The following UNC79 variants were observed in gnomAD, a reference collection of about 807,000 sequenced individuals.
UNC79 encodes the protein unc-79 subunit of NALCN channel complex, also known as protein unc-79 homolog.
UNC79 carries 37 observed loss-of-function variants against 283.1 expected under a neutral mutation model. The observed-to-expected ratio is 0.13, with a 90% CI of 0.10 to 0.17. The LOEUF is 0.17. Among genes scored for constraint, UNC79 ranks in the 10% least tolerant of loss-of-function variants. UNC79 has a pLI of 1.00. For synonymous variants in UNC79, 1,107 were observed against 1,200.2 expected, an observed-to-expected ratio of 0.92 and a Z score of 1.61; for missense variants, 2,272 against 3,211.1, an observed-to-expected ratio of 0.71 and a Z score of 7.07.
At chr14:93,467,059 CATT>C (rs2057219933) in intron 1 of UNC79, among the ~76,000 whole-genome samples, 1 of 152,078 alleles carries the variant, frequency 6.6e-6, no homozygotes, top group Non-Finnish European at 1.5e-5. Flanking sequence ...AGTGCACAAT[CATT>C]GTATTCTTAC....
At chr14:93,348,331 C>T (rs918751211) in intron 1 of UNC79, 8 of 483,022 alleles carry the variant, frequency 1.7e-5, no homozygotes, top group South Asian at 1.5e-4. Flanking sequence ...TTAAATAAAA[C>T]GGAAACACTT....
At position 93,420,999 on chromosome 14, in the gene UNC79, G is replaced by T. The variant is rs150552272; in HGVS notation, c.-350-46672G>T. ...CCCAGCTATAAGTGCCTACATTGTGGAATAAGAAAGCTTCAAATAAACAAC... is the reference window on the plus strand; with the variant it reads ...CCCAGCTATAAGTGCCTACATTGTGTAATAAGAAAGCTTCAAATAAACAAC... On this transcript the variant is annotated intron_variant, in intron 1 of 49. Transcript: ENST00000256339. 2.1e-3 allele frequency among the ~76,000 whole-genome samples: 319 copies of T among 151,608 alleles called. 1 individual carries two copies. The highest frequency in any genetic ancestry group is 7.4e-3 in the African/African-American group (306 of 41,452).
At chr14:93,593,700 C>T in exon 23 of UNC79, 1 of 1,612,634 alleles carries the variant, frequency 6.2e-7, no homozygotes, top group Admixed American at 1.7e-5. Flanking sequence ...GTCGTCAAAT[C>T]CGAGTTCTCT....
intron 5 of UNC79, among the ~76,000 whole-genome samples, chr14:93,496,103 T>G (rs2059002397): frequency 6.6e-6 from 1 of 152,242 alleles, no homozygotes; most frequent in Non-Finnish European, 1.5e-5. Context: ...GGGCTAGTTT[T>G]TTTTCTTATG....
At chr14:93,540,477 A>G (rs545292674) in intron 12 of UNC79, among the ~76,000 whole-genome samples, 183 bp from the exon 13 acceptor site, 1 of 152,336 alleles carries the variant, frequency 6.6e-6, no homozygotes, top group Admixed American at 6.5e-5. Context: ...GTAAGAAAAT[A>G]GAATGAGGCA....
At chr14:93,431,261 C>T (rs6575334) in intron 1 of UNC79, among the ~76,000 whole-genome samples, 95,981 of 150,732 alleles carry the variant, frequency 0.64, 31,421 homozygotes, top group Middle Eastern at 0.77. Context: ...AAAAATAATA[C>T]GGTCTTCCTC....
intron 41 of UNC79, among the ~76,000 whole-genome samples, chr14:93,675,407 C>T (rs937117050): frequency 4.6e-5 from 7 of 152,120 alleles, no homozygotes; most frequent in African/African-American, 1.4e-4. Flanking sequence ...TCAGCCATGA[C>T]CCCTTCCTTC....
chr14:93,448,831 G>A (rs1348434734), intron 1 of UNC79, among the ~76,000 whole-genome samples: 1 of 152,224 alleles, frequency 6.6e-6, no homozygotes, highest in Non-Finnish European at 1.5e-5. Context: ...GGGATCCAGA[G>A]TTTATGGTTT....
chr14:93,552,921 G>A (rs2061969479), intron 14 of UNC79, among the ~76,000 whole-genome samples: 1 of 152,202 alleles, frequency 6.6e-6, no homozygotes, highest in South Asian at 2.1e-4. Context: ...CCTGTACAAG[G>A]ACTGCATAGA....
intron 8 of UNC79, among the ~76,000 whole-genome samples, chr14:93,528,239 C>T (rs575228811): frequency 6.6e-6 from 1 of 152,224 alleles, no homozygotes; most frequent in Non-Finnish European, 1.5e-5. Flanking sequence ...AGTAATATAT[C>T]GCCAATTTGA....
chr14:93,392,898 A>G (rs2054912759), intron 1 of UNC79, among the ~76,000 whole-genome samples: 1 of 152,240 alleles, frequency 6.6e-6, no homozygotes, highest in African/African-American at 2.4e-5. Flanking sequence ...CAGGATTGAT[A>G]TATGCCTTGG....
Position 93,358,918 on chromosome 14 carries a change from G to T in UNC79, c.-351+25395G>T, listed in dbSNP as rs1257679806. Among the ~76,000 whole-genome samples the T allele has an allele frequency of 3.9e-5, 6 of 152,262 alleles. No homozygotes were observed. The East Asian group carries it at 9.6e-4, about 24-fold the overall frequency. On this transcript the variant is annotated intron_variant, in intron 1 of 49. Transcript: ENST00000256339. ...CTAAAGTCCCAGCGGGCCCCTAGAG[G>T]TGAGGTTGAGAGTGTTACCCATGAA...
At chr14:93,677,813 C>A (rs1314355235) in intron 41 of UNC79, among the ~76,000 whole-genome samples, 1 of 152,162 alleles carries the variant, frequency 6.6e-6, no homozygotes, top group Non-Finnish European at 1.5e-5. Context: ...CCACACCCAG[C>A]TAATTTTTGT....
At chr14:93,603,127 G>A in intron 25 of UNC79, 112 bp from the exon 26 acceptor site, 1 of 1,279,476 alleles carries the variant, frequency 7.8e-7, no homozygotes, top group East Asian at 2.4e-5. Flanking sequence ...GTATATCCAT[G>A]AAAAATGTAT....
chr14:93,572,886 G>A (rs1310352646), intron 16 of UNC79, 70 bp downstream of exon 16: 10 of 1,559,660 alleles, frequency 6.4e-6, no homozygotes, highest in East Asian at 2.3e-5. Context: ...TCCCTGGATC[G>A]AGAGAGTGGG....
intron 24 of UNC79, among the ~76,000 whole-genome samples, chr14:93,599,063 A>G (rs1227928598): frequency 5.9e-5 from 9 of 152,192 alleles, no homozygotes. Flanking sequence ...CAAAGTTCTG[A>G]TCTACTGTTT....
chr14:93,463,971 A>G lies in UNC79; in HGVS notation c.23-3700A>G, dbSNP rs147395707. On this transcript the variant is annotated intron_variant, in intron 1 of 48. Transcript: ENST00000555664. ...GAGACCATACTGGCTAACACGGTGAAACCCCATCTCTACTAAAATTACAAA... is the reference window on the plus strand; with the variant it reads ...GAGACCATACTGGCTAACACGGTGAGACCCCATCTCTACTAAAATTACAAA... 3.0e-3 allele frequency among the ~76,000 whole-genome samples: 449 copies of G among 152,134 alleles called. 1 individual carries two copies. The highest frequency in any genetic ancestry group is 0.01 in the African/African-American group (426 of 41,504).
chr14:93,646,680 C>G (rs1451578689), intron 35 of UNC79, 34 bp downstream of exon 38: 1 of 1,610,208 alleles, frequency 6.2e-7, no homozygotes. Context: ...ATCTCACTTT[C>G]TTTTCTCCTC....
chr14:93,394,013 C>G (rs1485130634), intron 1 of UNC79, among the ~76,000 whole-genome samples: 1 of 151,902 alleles, frequency 6.6e-6, no homozygotes, highest in African/African-American at 2.4e-5. Context: ...TATCTTCCAC[C>G]AAACATTCAA....
Sources: allele counts gnomAD v4.1 joint callset (sites outside exome capture counted in the v4.1 genomes callset), GRCh38; gene constraint gnomAD v4.1.1; transcripts MANE v1.5; gene names NCBI Gene and HGNC (gene_info 2026-07-23, HGNC 2026-07-21).